NRG3: variants seen among roughly 807,000 people sequenced by gnomAD.
NRG3 encodes the protein neuregulin 3.
In NRG3, 31 loss-of-function variants were observed where a neutral mutation model predicts 66.9. The ratio of observed to expected loss-of-function variants is 0.46; its 90% CI spans 0.35 to 0.63. The LOEUF is 0.63. Ranked by LOEUF, NRG3 falls within the 20% of genes least tolerant of loss-of-function variation. The pLI is 0.00. For missense variants in NRG3, 910 were observed against 878.9 expected (o/e 1.04, Z -0.45); for synonymous variants, 393 against 359.4 (o/e 1.09, Z -1.06).
rs768533607 is a variant in NRG3, at chr10:82,554,512, A to C, written c.954-184065A>C. Among the ~76,000 whole-genome samples the C allele has an allele frequency of 2.8e-4, 42 of 152,190 alleles. 1 individual carries two copies. The highest frequency in any genetic ancestry group is 2.9e-5 in the Non-Finnish European group (2 of 68,024). The stretch of plus-strand genomic sequence containing the variant: ...TTAAACTGGGATAGAATCTCAAACT[A>C]GAAAAGGGCAAGGAGCCTGTTCTCA... On this transcript the variant is annotated intron_variant, in intron 2 of 8. Transcript: ENST00000372141.
chr10:82,391,552 A>AT (rs1053185928), intron 2 of NRG3, among the ~76,000 whole-genome samples: 20 of 152,140 alleles, frequency 1.3e-4, no homozygotes, highest in Non-Finnish European at 2.2e-4. Flanking sequence ...ATTTGGGGGC[A>AT]TTTTCCACAT....
intron 1 of NRG3, among the ~76,000 whole-genome samples, chr10:81,895,641 G>A (rs775173080): frequency 1.3e-5 from 2 of 152,170 alleles, no homozygotes; most frequent in East Asian, 1.9e-4. Flanking sequence ...GTGTGTCCAC[G>A]TGTGCATGTC....
At chr10:82,397,890 G>A (rs2086814719) in intron 2 of NRG3, among the ~76,000 whole-genome samples, 1 of 152,122 alleles carries the variant, frequency 6.6e-6, no homozygotes, top group Non-Finnish European at 1.5e-5. Context: ...TGAGAGAGGG[G>A]CAAAGAAAGG....
At chr10:82,101,398 T>A (rs980166262) in intron 1 of NRG3, among the ~76,000 whole-genome samples, 3 of 151,908 alleles carry the variant, frequency 2.0e-5, no homozygotes, top group South Asian at 2.1e-4. Context: ...AAATTGCTCC[T>A]CATTTTCTAG....
intron 2 of NRG3, among the ~76,000 whole-genome samples, chr10:82,673,281 C>A (rs2053431974): frequency 6.6e-6 from 1 of 152,176 alleles, no homozygotes; most frequent in South Asian, 2.1e-4. Flanking sequence ...AATTATCTTA[C>A]TTTTTAAATT....
At chr10:82,019,354 A>T (rs2061946567) in intron 1 of NRG3, among the ~76,000 whole-genome samples, 1 of 152,118 alleles carries the variant, frequency 6.6e-6, no homozygotes, top group East Asian at 1.9e-4. Context: ...TTTATTGAGG[A>T]TTTTTGCATC....
chr10:81,985,569 A>G (rs1024659020), intron 1 of NRG3, among the ~76,000 whole-genome samples: 3 of 152,232 alleles, frequency 2.0e-5, no homozygotes, highest in Non-Finnish European at 4.4e-5. Context: ...TCCACGAGTG[A>G]TTATTAATGC....
chr10:82,096,754 A>G lies in NRG3; in HGVS notation c.823+220591A>G, dbSNP rs11192476. Among the ~76,000 whole-genome samples the G allele has an allele frequency of 9.2e-5, 14 of 152,296 alleles. No homozygotes were observed. The East Asian group carries it at 2.7e-3, about 29-fold the overall frequency. ...GCCAATGAACATACAAGAAAAATAT[A>G]AAGCAAAGAGAGAAAAGATGATAGT... On this transcript the variant is annotated intron_variant, in intron 1 of 8. Transcript: ENST00000372141.
intron 1 of NRG3, among the ~76,000 whole-genome samples, chr10:81,973,444 A>G (rs1326219586): frequency 6.6e-6 from 1 of 152,180 alleles, no homozygotes; most frequent in African/African-American, 2.4e-5. Context: ...TTGTTGGGTC[A>G]AATAATATTT....
intron 2 of NRG3, among the ~76,000 whole-genome samples, chr10:82,506,787 A>T (rs1844722828): frequency 6.6e-6 from 1 of 152,190 alleles, no homozygotes; most frequent in South Asian, 2.1e-4. Flanking sequence ...TGAACTAGTT[A>T]CTCACATAAA....
intron 3 of NRG3, among the ~76,000 whole-genome samples, chr10:82,861,327 A>G (rs760569346): frequency 1.2e-4 from 18 of 152,226 alleles, no homozygotes; most frequent in Non-Finnish European, 2.2e-4. Context: ...TATAAATGCC[A>G]TCTTCCTTGA....
At position 82,701,137 on chromosome 10, in the gene NRG3, A is replaced by G. The variant is rs895857594; in HGVS notation, c.954-37440A>G. On this transcript the variant is annotated intron_variant, in intron 2 of 8. Coordinates refer to ENST00000372141, the MANE Select transcript of NRG3 (RefSeq NM_001010848.4). ...TATAACAATTGTATATATTTTAATC[A>G]TTATAATAAACATTTATTAACCACT... 3.9e-5 allele frequency among the ~76,000 whole-genome samples: 6 copies of G among 152,118 alleles called. No homozygotes were observed. The South Asian group carries it at 6.2e-4, about 16-fold the overall frequency.
At chr10:82,694,298 A>G (rs1204423511) in intron 2 of NRG3, among the ~76,000 whole-genome samples, 2 of 152,212 alleles carry the variant, frequency 1.3e-5, no homozygotes, top group Non-Finnish European at 2.9e-5. Context: ...AAAGTTCTTC[A>G]AGTCCCCACT....
chr10:81,934,473 A>G (rs113803646), intron 1 of NRG3, among the ~76,000 whole-genome samples: 2 of 152,178 alleles, frequency 1.3e-5, no homozygotes, highest in African/African-American at 2.4e-5. Flanking sequence ...TAAAGCTTCT[A>G]TCATACAACA....
At chr10:82,448,830 G>GTA (rs1052917118) in intron 2 of NRG3, among the ~76,000 whole-genome samples, 13 of 151,844 alleles carry the variant, frequency 8.6e-5, no homozygotes, top group South Asian at 8.3e-4. Flanking sequence ...GCAATTATGT[G>GTA]TATATATATA....
chr10:81,993,750 T>G (rs573410085), intron 1 of NRG3, among the ~76,000 whole-genome samples: 1 of 152,346 alleles, frequency 6.6e-6, no homozygotes, highest in Non-Finnish European at 1.5e-5. Context: ...ATAATCTTGA[T>G]AGAACCCACA....
chr10:82,521,587 G>A (rs1459248955), intron 2 of NRG3, among the ~76,000 whole-genome samples: 6 of 152,086 alleles, frequency 3.9e-5, no homozygotes, highest in Admixed American at 6.6e-5. Flanking sequence ...TGATCCGCCC[G>A]CCTTGGCCTC....
At chr10:82,772,847 A>G (rs971586059) in intron 3 of NRG3, among the ~76,000 whole-genome samples, 1 of 151,952 alleles carries the variant, frequency 6.6e-6, no homozygotes, top group Admixed American at 6.6e-5. Context: ...GTGGGGGAAC[A>G]AACATGTGCC....
intron 6 of NRG3, among the ~76,000 whole-genome samples, chr10:82,969,870 T>C (rs1851566435): frequency 6.6e-6 from 1 of 152,214 alleles, no homozygotes; most frequent in Non-Finnish European, 1.5e-5. Flanking sequence ...AAAATCTGTA[T>C]ATATATAAAC....
Sources: gnomAD v4.1 joint callset for allele counts (sites outside exome capture counted in the v4.1 genomes callset) on GRCh38, gnomAD v4.1.1 for gene constraint, MANE v1.5 for transcripts, NCBI Gene and HGNC (gene_info 2026-07-23, HGNC 2026-07-21) for gene names.